THSD4: variants seen among roughly 807,000 people sequenced by gnomAD.
The protein encoded by THSD4 is thrombospondin type-1 domain-containing protein 4.
In THSD4, 69 loss-of-function variants were observed where a neutral mutation model predicts 119.0. The observed-to-expected ratio is 0.58, with a 90% CI of 0.48 to 0.71. The LOEUF (loss-of-function observed/expected upper bound fraction) is 0.71. THSD4 is among the 30% of genes least tolerant of loss of function. The pLI is 0.00. For synonymous variants in THSD4, 524 were observed against 540.4 expected (o/e 0.97, Z 0.42); for missense variants, 1,393 against 1,391.1 (o/e 1.00, Z -0.02).
chr15:71,702,998 T>C (rs948277470), intron 8 of THSD4, among the ~76,000 whole-genome samples: 1 of 152,116 alleles, frequency 6.6e-6, no homozygotes, highest in Non-Finnish European at 1.5e-5. Flanking sequence ...TTTTTTTTTT[T>C]TAAATGGAGT....
intron 6 of THSD4, among the ~76,000 whole-genome samples, chr15:71,274,853 T>A (rs1056420188): frequency 1.3e-5 from 2 of 152,048 alleles, no homozygotes; most frequent in African/African-American, 4.8e-5. Flanking sequence ...TCATTCTGGG[T>A]AGTTAGTAAA....
chr15:71,654,704 C>T (rs751573094), intron 7 of THSD4, among the ~76,000 whole-genome samples: 3 of 152,114 alleles, frequency 2.0e-5, no homozygotes, highest in South Asian at 2.1e-4. Flanking sequence ...ATTAGCTCAC[C>T]GTAAATATAA....
intron 16 of THSD4, among the ~76,000 whole-genome samples, chr15:71,770,203 G>A (rs2053794536): frequency 7.8e-6 from 1 of 127,508 alleles, no homozygotes; most frequent in Admixed American, 8.3e-5. Context: ...AGCTGAGATT[G>A]CACTATTGCA....
chr15:71,638,123 G>A (rs1039618870), intron 7 of THSD4, among the ~76,000 whole-genome samples: 2 of 152,184 alleles, frequency 1.3e-5, no homozygotes, highest in African/African-American at 4.8e-5. Flanking sequence ...GTTTTAAAAA[G>A]TGCAGGAAGC....
intron 6 of THSD4, among the ~76,000 whole-genome samples, chr15:71,369,615 C>G (rs2046015248): frequency 6.6e-6 from 1 of 152,158 alleles, no homozygotes; most frequent in Non-Finnish European, 1.5e-5. Context: ...ACCAGCCTTG[C>G]ATCCCAGGGA....
At chr15:71,421,955 ACT>A (rs1472659107) in intron 7 of THSD4, among the ~76,000 whole-genome samples, 1 of 151,948 alleles carries the variant, frequency 6.6e-6, no homozygotes, top group Non-Finnish European at 1.5e-5. Context: ...CTATTAAGAG[ACT>A]CTGATGTATT....
At chr15:71,734,074 G>T in intron 10 of THSD4, 1 of 152,092 alleles carries the variant, frequency 6.6e-6, no homozygotes, top group East Asian at 1.9e-4. Context: ...CTCCCAAAAC[G>T]TTGGGATTAC....
At chr15:71,617,668 G>A (rs2050343081) in intron 7 of THSD4, among the ~76,000 whole-genome samples, 1 of 152,306 alleles carries the variant, frequency 6.6e-6, no homozygotes, top group East Asian at 1.9e-4. Flanking sequence ...AAATACAGAT[G>A]TTATTACCTC....
chr15:71,741,557 G>C (rs982961160), intron 11 of THSD4, among the ~76,000 whole-genome samples: 2 of 152,084 alleles, frequency 1.3e-5, no homozygotes, highest in Non-Finnish European at 1.5e-5. Context: ...ATATGATTTT[G>C]TTTAATCTTC....
intron 7 of THSD4, among the ~76,000 whole-genome samples, chr15:71,568,373 T>TGAGA (rs1158659099): frequency 6.6e-6 from 1 of 152,040 alleles, no homozygotes; most frequent in Non-Finnish European, 1.5e-5. Flanking sequence ...GGTGACATGA[T>TGAGA]GAGAGGTCCT....
intron 6 of THSD4, among the ~76,000 whole-genome samples, chr15:71,292,511 G>A (rs981035280): frequency 5.3e-5 from 8 of 151,706 alleles, no homozygotes; most frequent in Non-Finnish European, 1.0e-4. Context: ...GTATTTGCTC[G>A]ACTGTCTTCT....
At chr15:71,527,723 T>TTC (rs1225873680) in intron 7 of THSD4, among the ~76,000 whole-genome samples, 2 of 139,218 alleles carry the variant, frequency 1.4e-5, no homozygotes, top group African/African-American at 5.8e-5. Flanking sequence ...TTTTTTTTTT[T>TTC]TTTTTTTGAG....
chr15:71,511,098 A>C (rs2140756724), intron 7 of THSD4, among the ~76,000 whole-genome samples: 1 of 152,254 alleles, frequency 6.6e-6, no homozygotes, highest in Non-Finnish European at 1.5e-5. Context: ...GATAAAGAAA[A>C]TGTGGCTTCT....
chr15:71,328,550 C>T (rs2045377349), intron 6 of THSD4, among the ~76,000 whole-genome samples: 1 of 152,164 alleles, frequency 6.6e-6, no homozygotes, highest in African/African-American at 2.4e-5. Flanking sequence ...AGAGATAGAA[C>T]AGTGAATCAA....
intron 4 of THSD4, among the ~76,000 whole-genome samples, chr15:71,240,747 G>C (rs1018492483): frequency 7.3e-5 from 11 of 151,370 alleles, no homozygotes; most frequent in African/African-American, 2.7e-4. Context: ...TACCTGGCCT[G>C]CCACAAGAAA....
intron 10 of THSD4, among the ~76,000 whole-genome samples, chr15:71,734,185 G>C (rs999276777): frequency 9.2e-5 from 14 of 152,006 alleles, no homozygotes; most frequent in Admixed American, 4.6e-4. Flanking sequence ...AGACATACTT[G>C]AACAATATTC....
rs1338741819 is a variant in THSD4 at position 71,215,404 on chromosome 15, A to T, written c.464+5A>T. The T allele has an allele frequency of 6.6e-7, 1 of 1,521,794 alleles. No homozygotes were observed. The highest frequency in any genetic ancestry group is 1.2e-5 in the South Asian group (1 of 83,232). 94.3% of individuals were successfully genotyped at this position (1,521,794 alleles called of 1,614,324 possible). On this transcript the variant is annotated splice_donor_5th_base_variant and intron_variant, in intron 4 of 17. Coordinates refer to ENST00000261862, the MANE Select transcript of THSD4 (RefSeq NM_024817.3). ...CGAAGTCACTGGGGACAGAAGGTAC[A>T]CGCCCGCCCTTGTCTGTGCCGCTCC...
At chr15:71,566,156 CT>C (rs58827489) in intron 7 of THSD4, among the ~76,000 whole-genome samples, 63,742 of 141,548 alleles carry the variant, frequency 0.45, 13,879 homozygotes, top group East Asian at 0.68. Flanking sequence ...TTCTTTTTTT[CT>C]TTTTTTTTTT....
intron 8 of THSD4, among the ~76,000 whole-genome samples, chr15:71,670,447 A>G (rs1439820289): frequency 1.3e-5 from 2 of 149,994 alleles, no homozygotes; most frequent in African/African-American, 2.5e-5. Flanking sequence ...TCCATGGTGT[A>G]TATGTGCCAC....
Sources: gnomAD v4.1 joint callset for allele counts (sites outside exome capture counted in the v4.1 genomes callset) on GRCh38, gnomAD v4.1.1 for gene constraint, MANE v1.5 for transcripts, NCBI Gene and HGNC (gene_info 2026-07-23, HGNC 2026-07-21) for gene names.